CNTN1: variants seen among roughly 807,000 people sequenced by gnomAD.
The protein encoded by CNTN1 is contactin 1.
Under a neutral mutation model 126.4 loss-of-function variants are expected in CNTN1, and 38 were observed. The observed-to-expected ratio is 0.30, with a 90% CI of 0.23 to 0.39. CNTN1 has a LOEUF of 0.39. Ranked by LOEUF, CNTN1 falls within the 10% of genes least tolerant of loss-of-function variation. CNTN1 has a pLI of 1.00. For missense variants in CNTN1, 1,009 were observed against 1,248.4 expected, an observed-to-expected ratio of 0.81 and a Z score of 2.89; for synonymous variants, 413 against 422.6, an observed-to-expected ratio of 0.98 and a Z score of 0.28.
chr12:41,049,994 G>A (rs1566218653), intron 23 of CNTN1, among the ~76,000 whole-genome samples: 1 of 152,144 alleles, frequency 6.6e-6, no homozygotes, highest in East Asian at 1.9e-4. Context: ...CCACCTCCCA[G>A]GTTCAGGCAG....
intron 1 of CNTN1, among the ~76,000 whole-genome samples, chr12:40,707,614 C>T (rs1035031391): frequency 6.6e-6 from 1 of 152,126 alleles, no homozygotes; most frequent in African/African-American, 2.4e-5. Context: ...CTGAGCATCC[C>T]TTTCCTTTCA....
At chr12:40,987,713 T>C (rs1947992203) in intron 16 of CNTN1, among the ~76,000 whole-genome samples, 1 of 152,224 alleles carries the variant, frequency 6.6e-6, no homozygotes, top group Non-Finnish European at 1.5e-5. Flanking sequence ...TGTTTCTCTA[T>C]ACTTTAGATT....
At chr12:40,703,086 T>C (rs1222834274) in intron 1 of CNTN1, among the ~76,000 whole-genome samples, 1 of 152,150 alleles carries the variant, frequency 6.6e-6, no homozygotes, top group African/African-American at 2.4e-5. Flanking sequence ...TAAATTACTA[T>C]GGTAATTTAT....
chr12:40,725,975 T>C (rs1227979492), intron 1 of CNTN1, among the ~76,000 whole-genome samples: 2 of 151,624 alleles, frequency 1.3e-5, no homozygotes, highest in Non-Finnish European at 2.9e-5. Flanking sequence ...AAATGTTTCA[T>C]GAGTTCAAGG....
chr12:40,811,838 A>AAAC (rs1565770993), intron 1 of CNTN1, among the ~76,000 whole-genome samples: 2 of 151,272 alleles, frequency 1.3e-5, no homozygotes, highest in Admixed American at 1.3e-4. Flanking sequence ...AAAAAAAAAA[A>AAAC]AACTCTTAGT....
At chr12:41,037,500 T>C (rs1166297364) in intron 23 of CNTN1, among the ~76,000 whole-genome samples, 1 of 152,160 alleles carries the variant, frequency 6.6e-6, no homozygotes, top group Non-Finnish European at 1.5e-5. Flanking sequence ...ATAAATACAC[T>C]ATGCCTTCTA....
intron 16 of CNTN1, 31 bp from the exon 17 acceptor site, chr12:40,993,089 G>A: frequency 6.3e-7 from 1 of 1,589,122 alleles, no homozygotes; most frequent in Non-Finnish European, 8.6e-7. Context: ...TAATCAACCT[G>A]TATTCTCTAT....
chr12:40,908,401 G>A lies in CNTN1; in HGVS notation c.-32G>A. The A allele has an allele frequency of 6.2e-7, 1 of 1,600,828 alleles. No homozygotes were observed. The highest frequency in any genetic ancestry group is 1.1e-5 in the South Asian group (1 of 90,500). On this transcript the variant is annotated 5_prime_UTR_variant, in exon 2 of 24. Transcript: ENST00000551295. ...TGCCATAGAGCTAAATTCTTTTTTG[G>A]AAAATTGAACCGAACTTCTACTGAA...
rs1172382555 is a variant in CNTN1, at chr12:40,918,726, T to C, written c.182T>C (p.Val61Ala). Residue 61 changes from valine to alanine, a missense_variant, in exon 4 of 24, where the codon GTC becomes GCC. Physicochemically the swap from Val to Ala is moderately conservative, Grantham distance 64 (BLOSUM62 0). Coordinates refer to ENST00000551295, the MANE Select transcript of CNTN1 (RefSeq NM_001843.4). ...IYPEESLEGKVSLNCRARASP... is the reference protein window; with the variant it reads ...IYPEESLEGKASLNCRARASP... Reference sequence around the variant, plus strand: ...CCAGAGGAATCACTGGAAGGAAAAGTCTCACTCAACTGTAGGGCACGAGCC... The same window carrying C: ...CCAGAGGAATCACTGGAAGGAAAAGCCTCACTCAACTGTAGGGCACGAGCC... 1.2e-6 allele frequency: 2 copies of C among 1,613,644 alleles called. No individual in the cohort carries two copies. The highest frequency in any genetic ancestry group is 1.7e-6 in the Non-Finnish European group (2 of 1,179,734).
rs908702162 is a variant in CNTN1 at position 40,880,829 on chromosome 12, T to A, written c.-76-27528T>A. On this transcript the variant is annotated intron_variant, in intron 1 of 23. Coordinates refer to ENST00000551295, the MANE Select transcript of CNTN1 (RefSeq NM_001843.4). ...TTTTCTTCTCAGGCTCCATGACACT[T>A]TTTTTTTCAGTTTTAGGCTTATATC... Among the ~76,000 whole-genome samples the A allele has an allele frequency of 5.3e-5, 8 of 151,990 alleles. 1 individual carries two copies. The highest frequency in any genetic ancestry group is 1.9e-4 in the African/African-American group (8 of 41,508).
intron 23 of CNTN1, among the ~76,000 whole-genome samples, chr12:41,039,574 T>C (rs1047672319): frequency 6.6e-6 from 1 of 152,186 alleles, no homozygotes; most frequent in Non-Finnish European, 1.5e-5. Context: ...TAGTTCAATA[T>C]GCCTATGAGA....
At chr12:41,040,423 G>C (rs1319165397) in intron 23 of CNTN1, among the ~76,000 whole-genome samples, 1 of 152,058 alleles carries the variant, frequency 6.6e-6, no homozygotes, top group Non-Finnish European at 1.5e-5. Flanking sequence ...ACAGACATAG[G>C]ATATACATTT....
At chr12:40,925,590 T>C (rs185133643) in intron 6 of CNTN1, among the ~76,000 whole-genome samples, 1,948 of 137,128 alleles carry the variant, frequency 0.014, 36 homozygotes, top group African/African-American at 0.046. Flanking sequence ...TATATATACA[T>C]GTATATATAT....
At chr12:40,920,429 C>G (rs1297416775) in intron 4 of CNTN1, among the ~76,000 whole-genome samples, 1 of 151,464 alleles carries the variant, frequency 6.6e-6, no homozygotes, top group African/African-American at 2.4e-5. Context: ...TATCCATACA[C>G]TAATAGACAG....
At position 41,007,423 on chromosome 12, in the gene CNTN1, T is replaced by C. The variant is rs557707118; in HGVS notation, c.2114-6805T>C. ...AAGAAATGGATATGAAGCAGCTATA[T>C]CACCTGGGGTATATACCCTGGGGTT... On this transcript the variant is annotated intron_variant, in intron 17 of 23. Coordinates refer to ENST00000551295, the MANE Select transcript of CNTN1 (RefSeq NM_001843.4). 9.4e-4 allele frequency among the ~76,000 whole-genome samples: 143 copies of C among 152,262 alleles called. 3 individuals carry two copies. Among genetic ancestry groups the C allele is most frequent in the African/African-American group, 2.8e-3 (118 of 41,534 alleles).
intron 1 of CNTN1, among the ~76,000 whole-genome samples, chr12:40,740,326 T>C (rs544499882): frequency 6.6e-6 from 1 of 152,196 alleles, no homozygotes; most frequent in East Asian, 1.9e-4. Context: ...CCATCCTCCT[T>C]ATCTTTTTAC....
intron 23 of CNTN1, among the ~76,000 whole-genome samples, chr12:41,042,006 T>G (rs1185602116): frequency 1.3e-5 from 2 of 152,166 alleles, no homozygotes; most frequent in African/African-American, 4.8e-5. Context: ...AATTGTGATG[T>G]TAGGGTGTCA....
chr12:41,051,893 A>AC (rs1949692598), intron 23 of CNTN1, among the ~76,000 whole-genome samples: 2 of 134,488 alleles, frequency 1.5e-5, no homozygotes, highest in East Asian at 2.4e-4. Flanking sequence ...ACCCCACACA[A>AC]ACACACACAC....
At chr12:40,909,297 C>G (rs1944944999) in intron 2 of CNTN1, among the ~76,000 whole-genome samples, 1 of 151,990 alleles carries the variant, frequency 6.6e-6, no homozygotes, top group Admixed American at 6.6e-5. Context: ...CACATCATAT[C>G]TTTATCTGAA....
Sources: allele counts gnomAD v4.1 joint callset (sites outside exome capture counted in the v4.1 genomes callset), GRCh38; gene constraint gnomAD v4.1.1; transcripts MANE v1.5; gene names NCBI Gene and HGNC (gene_info 2026-07-23, HGNC 2026-07-21).